SYNPO2: variants seen among roughly 807,000 people sequenced by gnomAD.
SYNPO2 encodes synaptopodin-2.
A neutral mutation model predicts 85.0 loss-of-function variants in SYNPO2; 56 were observed. That is an observed-to-expected ratio of 0.66 (90% confidence interval 0.53 to 0.82). SYNPO2 has a LOEUF of 0.82. Among genes scored for constraint, SYNPO2 ranks in the 40% least tolerant of loss-of-function variants. The pLI, the probability that SYNPO2 is intolerant of heterozygous loss-of-function variation, is 0.00. For synonymous variants in SYNPO2, 602 were observed against 591.1 expected, an observed-to-expected ratio of 1.02 and a Z score of -0.27; for missense variants, 1,575 against 1,534.2, an observed-to-expected ratio of 1.03 and a Z score of -0.44.
chr4:118,892,312 A>G (rs1054117483), intron 1 of SYNPO2, among the ~76,000 whole-genome samples: 5 of 152,208 alleles, frequency 3.3e-5, no homozygotes, highest in African/African-American at 1.2e-4. Flanking sequence ...CTTGTTTTTA[A>G]AATGTTTGTA....
chr4:118,943,527 G>A lies in SYNPO2; in HGVS notation c.105+54386G>A, dbSNP rs150866016. Among the ~76,000 whole-genome samples the A allele has an allele frequency of 4.2e-3, 633 of 152,262 alleles. 4 individuals are homozygous for A. The highest frequency in any genetic ancestry group is 0.014 in the African/African-American group (577 of 41,546). On this transcript the variant is annotated intron_variant, in intron 1 of 4. Coordinates refer to ENST00000307142, the MANE Select transcript of SYNPO2 (RefSeq NM_133477.3). ...TTCAAAGTTGCTCTCTTTAAAATTT[G>A]AGTTGTTTTTTCATGCTAACATGCT...
In SYNPO2 at chr4:119,058,296, T is replaced by A. The variant is rs1428300982; in HGVS notation, c.*362T>A. On this transcript the variant is annotated 3_prime_UTR_variant, in exon 5 of 5. Transcript: ENST00000307142. ...TACTCAATTAAAGTAAAACTAAGTA[T>A]TTCTTCATTGTACCTTAGTCCAGGA... is the stretch of plus-strand genomic sequence containing the variant. 5.9e-6 allele frequency: 1 copy of A among 168,718 alleles called. No homozygotes were observed. Among genetic ancestry groups the A allele is most frequent in the Non-Finnish European group, 1.3e-5 (1 of 78,506 alleles). 10.5% of individuals were successfully genotyped at this position (168,718 alleles called of 1,614,324 possible). A position where few individuals can be genotyped will look rare whatever the true frequency, so the allele number is the denominator to read the frequency against.
chr4:118,953,927 T>C (rs1439166425), intron 1 of SYNPO2, among the ~76,000 whole-genome samples: 1 of 152,164 alleles, frequency 6.6e-6, no homozygotes, highest in African/African-American at 2.4e-5. Flanking sequence ...GCAAAAAAGT[T>C]GGAGCAAAAT....
rs1203334948 is a variant in SYNPO2 at position 119,007,268 on chromosome 4, A to G, written c.106-16162A>G. 1.5e-4 allele frequency among the ~76,000 whole-genome samples: 13 copies of G among 86,426 alleles called. 1 individual carries two copies. Among genetic ancestry groups the G allele is most frequent in the Non-Finnish European group, 2.8e-4 (13 of 45,780 alleles). 56.7% of individuals were successfully genotyped at this position (86,426 alleles called of 152,430 possible). ...TATGTATATACATATATATATATATATATATATGTATATACATATATATAT... is the reference window on the plus strand; with the variant it reads ...TATGTATATACATATATATATATATGTATATATGTATATACATATATATAT... On this transcript the variant is annotated intron_variant, in intron 1 of 4. Coordinates refer to ENST00000307142, the MANE Select transcript of SYNPO2 (RefSeq NM_133477.3).
intron 1 of SYNPO2, among the ~76,000 whole-genome samples, chr4:118,954,437 T>G (rs1734801151): frequency 6.6e-6 from 1 of 152,178 alleles, no homozygotes; most frequent in African/African-American, 2.4e-5. Context: ...GGCTCAGCAT[T>G]GCCATCTAGG....
At chr4:118,922,822 A>T (rs1255719696) in intron 1 of SYNPO2, among the ~76,000 whole-genome samples, 1 of 152,126 alleles carries the variant, frequency 6.6e-6, no homozygotes, top group East Asian at 1.9e-4. Flanking sequence ...TATTTTTCAC[A>T]TTACGTTTAG....
intron 1 of SYNPO2, among the ~76,000 whole-genome samples, chr4:118,933,456 G>C (rs1733995134): frequency 6.6e-6 from 1 of 152,176 alleles, no homozygotes; most frequent in Admixed American, 6.5e-5. Flanking sequence ...TTGGCCACAA[G>C]TCAGCAGCCA....
intron 4 of SYNPO2, among the ~76,000 whole-genome samples, chr4:119,052,271 A>G (rs551628839): frequency 1.6e-4 from 25 of 152,272 alleles, no homozygotes; most frequent in Admixed American, 7.8e-4. Flanking sequence ...GCTGGGGTCA[A>G]CCTGGGGCCT....
At chr4:118,858,577 A>G (rs1025105467) in intron 1 of SYNPO2, among the ~76,000 whole-genome samples, 2 of 152,110 alleles carry the variant, frequency 1.3e-5, no homozygotes, top group African/African-American at 4.8e-5. Context: ...GGTAAATCAG[A>G]GCCAGTGTGA....
At chr4:119,000,474 CA>C (rs906154211) in intron 1 of SYNPO2, among the ~76,000 whole-genome samples, 1 of 152,154 alleles carries the variant, frequency 6.6e-6, no homozygotes, top group Non-Finnish European at 1.5e-5. Flanking sequence ...AGAAGACACC[CA>C]CAGACACACA....
intron 1 of SYNPO2, among the ~76,000 whole-genome samples, chr4:118,880,005 C>T (rs561262474): frequency 7.9e-4 from 121 of 152,294 alleles, no homozygotes; most frequent in African/African-American, 2.9e-3. Context: ...CTCAACGGTG[C>T]TCCCCTTTCT....
chr4:119,031,930 G>GC lies in SYNPO2; in HGVS notation c.3156dup (p.Ile1053HisfsTer61). ...GTCAGTGCATCCCCAGTGCCTGTGG[G>GC]CATTCCCACCTCGCCAAAGCAAGAA... On this transcript the variant is annotated frameshift_variant, in exon 4 of 5. Coordinates refer to ENST00000307142, the MANE Select transcript of SYNPO2 (RefSeq NM_133477.3). LOFTEE classifies it high-confidence loss of function. 6.2e-7 allele frequency: 1 copy of GC among 1,614,196 alleles called. No homozygotes were observed. The highest frequency in any genetic ancestry group is 8.5e-7 in the Non-Finnish European group (1 of 1,180,040).
chr4:118,855,911 T>C (rs1449414842), intron 1 of SYNPO2, among the ~76,000 whole-genome samples: 2 of 152,182 alleles, frequency 1.3e-5, no homozygotes, highest in East Asian at 3.9e-4. Flanking sequence ...CTCTTTCTTT[T>C]TCCCTTTTTC....
intron 2 of SYNPO2, among the ~76,000 whole-genome samples, chr4:119,026,289 T>C (rs1337297660): frequency 1.3e-5 from 2 of 152,228 alleles, no homozygotes; most frequent in African/African-American, 4.8e-5. Context: ...TGTCACATTC[T>C]AGCAAACTCA....
chr4:119,013,395 A>G (rs1737405213), intron 1 of SYNPO2, among the ~76,000 whole-genome samples: 1 of 152,204 alleles, frequency 6.6e-6, no homozygotes, highest in Admixed American at 6.5e-5. Context: ...CTGAAATGCA[A>G]TGTTTACCTC....
chr4:118,990,645 G>T (rs1216913589), intron 1 of SYNPO2, among the ~76,000 whole-genome samples: 1 of 151,994 alleles, frequency 6.6e-6, no homozygotes, highest in Non-Finnish European at 1.5e-5. Flanking sequence ...ATCTCGCTCG[G>T]TCGCCCAGGC....
Position 119,057,687 on chromosome 4 carries a change from T to C in SYNPO2, c.3539T>C (p.Leu1180Pro). Residue 1180 changes from leucine (L) to proline (P), a missense_variant, in exon 5 of 5, where the codon CTG (leucine) becomes CCG (proline). Coordinates refer to ENST00000307142, the MANE Select transcript of SYNPO2 (RefSeq NM_133477.3). ...CCTCCAGAGGATTGGAATGAAAGAC[T>C]GTCCTATATTCCTCAAACCCAGAAG... The part of the protein sequence containing the change: ...PGPPEDWNER[L>P]SYIPQTQKAY... The C allele has an allele frequency of 6.2e-7, 1 of 1,614,176 alleles. No homozygotes were observed. Among genetic ancestry groups the C allele is most frequent in the Non-Finnish European group, 8.5e-7 (1 of 1,180,034 alleles).
At chr4:118,981,401 A>AC (rs1736002547) in intron 1 of SYNPO2, among the ~76,000 whole-genome samples, 1 of 151,916 alleles carries the variant, frequency 6.6e-6, no homozygotes, top group East Asian at 1.9e-4. Flanking sequence ...ATTAGAGCAG[A>AC]CCCCCCACAG....
chr4:118,940,564 A>G (rs1734272219), intron 1 of SYNPO2, among the ~76,000 whole-genome samples: 1 of 152,098 alleles, frequency 6.6e-6, no homozygotes, highest in African/African-American at 2.4e-5. Context: ...GACTGAGGAC[A>G]AGATGGTGAG....
Sources: gnomAD v4.1 joint callset for allele counts (sites outside exome capture counted in the v4.1 genomes callset) on GRCh38, gnomAD v4.1.1 for gene constraint, MANE v1.5 for transcripts, NCBI Gene and HGNC (gene_info 2026-07-23, HGNC 2026-07-21) for gene names.